Variants in SMIM8 observed in about 807,000 individuals in gnomAD.
SMIM8 encodes the protein small integral membrane protein 8, also known as UPF0708 protein C6orf162.
In SMIM8, 8 loss-of-function variants were observed where a neutral mutation model predicts 8.1. That is an observed-to-expected ratio of 0.99 (90% CI 0.58 to 1.78). The LOEUF is 1.78. Among genes scored for constraint, SMIM8 ranks in the 40% most tolerant of loss-of-function variants. The probability of loss-of-function intolerance (pLI) is 0.00; values close to 1 mark genes in which losing one functional copy is unlikely to be tolerated. For synonymous variants in SMIM8, 45 were observed against 39.7 expected, an observed-to-expected ratio of 1.13 and a Z score of -0.50; for missense variants, 126 against 119.8, an observed-to-expected ratio of 1.05 and a Z score of -0.24.
chr6:87,324,223 T>C lies in SMIM8; in HGVS notation c.-45+1591T>C, dbSNP rs554391780. ...TGAAAATTTTCTCCCATTTTGTAGG[T>C]TGCCTGTTCACTCTGATGGTAGTTT... On this transcript the variant is annotated intron_variant, in intron 1 of 3. Transcript: ENST00000392863. Among the ~76,000 whole-genome samples, 1,204 of 152,294 alleles carry C rather than the reference T, an allele frequency of 7.9e-3. 20 individuals carry two copies. Among genetic ancestry groups the C allele is most frequent in the African/African-American group, 0.026 (1,100 of 41,540 alleles).
chr6:87,332,343 A>ATATATATAT (rs1491301788), intron 2 of SMIM8, among the ~76,000 whole-genome samples: 1 of 145,798 alleles, frequency 6.9e-6, no homozygotes, highest in African/African-American at 2.5e-5. Flanking sequence ...ATATATATAT[A>ATATATATAT]AATGACAGCA....
chr6:87,327,095 C>CT (rs909500291), intron 1 of SMIM8, among the ~76,000 whole-genome samples: 3 of 151,100 alleles, frequency 2.0e-5, no homozygotes, highest in Non-Finnish European at 2.9e-5. Flanking sequence ...GCAACCCCTG[C>CT]TTTTTTTTGT....
Position 87,341,216 on chromosome 6 carries a change from T to A in SMIM8, c.*942T>A, listed in dbSNP as rs532018249. On this transcript the variant is annotated 3_prime_UTR_variant, in exon 4 of 4. Transcript: ENST00000392863. ...ATGCCAGCAGGCCTTTTTGTTTTTT[T>A]CCTTTTCAGAATGTTTCTTATTCTC... The A allele has an allele frequency of 2.8e-5, 11 of 398,546 alleles. No homozygotes were observed. Among genetic ancestry groups the A allele is most frequent in the African/African-American group, 2.3e-4 (11 of 48,772 alleles). 24.7% of individuals were successfully genotyped at this position (398,546 alleles called of 1,614,324 possible).
chr6:87,329,787 G>A (rs559973310), intron 1 of SMIM8, among the ~76,000 whole-genome samples: 1 of 152,164 alleles, frequency 6.6e-6, no homozygotes, highest in South Asian at 2.1e-4. Flanking sequence ...CTAGGTGATC[G>A]CACCCTCCTG....
At chr6:87,333,780 C>G (rs1777044650) in intron 2 of SMIM8, among the ~76,000 whole-genome samples, 2 of 152,166 alleles carry the variant, frequency 1.3e-5, no homozygotes, top group African/African-American at 4.8e-5. Flanking sequence ...CAGGTTCATG[C>G]AAGAAATGGG....
At chr6:87,331,464 T>C (rs1413179093) in intron 2 of SMIM8, among the ~76,000 whole-genome samples, 1 of 152,192 alleles carries the variant, frequency 6.6e-6, no homozygotes, top group Non-Finnish European at 1.5e-5. Flanking sequence ...TGTGAAGAAA[T>C]GACTAAGGTT....
At chr6:87,336,694 C>A (rs1244073130) in intron 2 of SMIM8, among the ~76,000 whole-genome samples, 1 of 152,134 alleles carries the variant, frequency 6.6e-6, no homozygotes. Flanking sequence ...CTCACCTACT[C>A]ATAGTCTTGG....
chr6:87,327,306 C>T (rs1043109577), intron 1 of SMIM8, among the ~76,000 whole-genome samples: 4 of 150,742 alleles, frequency 2.7e-5, no homozygotes, highest in African/African-American at 9.8e-5. Flanking sequence ...TTGATCCTGT[C>T]ATTATGTTAG....
chr6:87,324,692 G>T (rs1385287014), intron 1 of SMIM8, among the ~76,000 whole-genome samples: 2 of 151,698 alleles, frequency 1.3e-5, no homozygotes, highest in East Asian at 3.9e-4. Context: ...ATACTTTGAA[G>T]TCAGGTAGTG....
intron 1 of SMIM8, among the ~76,000 whole-genome samples, chr6:87,327,440 G>A (rs1301327584): frequency 1.3e-5 from 2 of 152,018 alleles, no homozygotes; most frequent in Admixed American, 6.5e-5. Context: ...GCTCTTTTAG[G>A]GCAGGCCTGC....
At chr6:87,329,540 T>C (rs981950959) in intron 1 of SMIM8, among the ~76,000 whole-genome samples, 2 of 152,180 alleles carry the variant, frequency 1.3e-5, no homozygotes, top group Admixed American at 6.5e-5. Context: ...ATCTACCCGC[T>C]TCGGCCTCCC....
chr6:87,337,906 G>A (rs935258503), intron 3 of SMIM8, among the ~76,000 whole-genome samples: 22 of 152,126 alleles, frequency 1.4e-4, no homozygotes, highest in African/African-American at 5.3e-4. Flanking sequence ...GTGATTACAG[G>A]CATGAGCCAC....
intron 1 of SMIM8, among the ~76,000 whole-genome samples, chr6:87,327,309 T>G (rs28824331): frequency 0.62 from 93,200 of 149,606 alleles, 29,519 homozygotes; most frequent in African/African-American, 0.7. Context: ...ATCCTGTCAT[T>G]ATGTTAGCTC....
intron 3 of SMIM8, among the ~76,000 whole-genome samples, chr6:87,338,016 GA>G (rs1446791576): frequency 6.6e-6 from 1 of 152,078 alleles, no homozygotes; most frequent in Non-Finnish European, 1.5e-5. Flanking sequence ...TAAGTGTGTT[GA>G]ATCTGATTAG....
intron 3 of SMIM8, among the ~76,000 whole-genome samples, chr6:87,337,879 C>T (rs1359854117): frequency 6.6e-6 from 1 of 152,180 alleles, no homozygotes; most frequent in Non-Finnish European, 1.5e-5. Context: ...TCTCCCACCT[C>T]AGCCTCCCAA....
intron 1 of SMIM8, among the ~76,000 whole-genome samples, chr6:87,323,662 T>C (rs906105421): frequency 6.6e-6 from 1 of 152,106 alleles, no homozygotes; most frequent in Non-Finnish European, 1.5e-5. Context: ...ATTTTCTTAA[T>C]CCAGTCTATC....
intron 1 of SMIM8, among the ~76,000 whole-genome samples, chr6:87,326,706 A>G (rs1050094337): frequency 1.6e-5 from 2 of 128,774 alleles, no homozygotes; most frequent in African/African-American, 6.2e-5. Context: ...CAATTTTGGA[A>G]TAGGTGTGGT....
At chr6:87,323,907 C>T (rs1201072136) in intron 1 of SMIM8, among the ~76,000 whole-genome samples, 2 of 152,112 alleles carry the variant, frequency 1.3e-5, no homozygotes, top group Non-Finnish European at 2.9e-5. Context: ...AAAAGTGTTC[C>T]TGTTTCTCCA....
At chr6:87,333,837 A>C (rs1777045557) in intron 2 of SMIM8, among the ~76,000 whole-genome samples, 1 of 152,116 alleles carries the variant, frequency 6.6e-6, no homozygotes, top group Non-Finnish European at 1.5e-5. Context: ...CAACCTTAGG[A>C]ATTGTGTTAG....
Sources: gnomAD v4.1 joint callset for allele counts (sites outside exome capture counted in the v4.1 genomes callset) on GRCh38, gnomAD v4.1.1 for gene constraint, MANE v1.5 for transcripts, NCBI Gene and HGNC (gene_info 2026-07-23, HGNC 2026-07-21) for gene names.